Variants in TTLL11 observed in about 807,000 individuals in gnomAD.
TTLL11 encodes tubulin tyrosine ligase like 11.
TTLL11 carries 42 observed loss-of-function variants against 51.7 expected under a neutral mutation model. The ratio of observed to expected loss-of-function variants is 0.81; its 90% CI spans 0.64 to 1.05. TTLL11 has a LOEUF of 1.05. Among genes scored for constraint, TTLL11 ranks in the 50% least tolerant of loss-of-function variants. The probability of loss-of-function intolerance (pLI) is 0.00; values close to 1 mark genes in which losing one functional copy is unlikely to be tolerated. For missense variants in TTLL11, 799 were observed against 940.4 expected, an observed-to-expected ratio of 0.85 and a Z score of 1.97; for synonymous variants, 381 against 383.5, an observed-to-expected ratio of 0.99 and a Z score of 0.08.
chr9:121,949,390 C>T (rs191006417), intron 6 of TTLL11, among the ~76,000 whole-genome samples: 11 of 152,300 alleles, frequency 7.2e-5, no homozygotes, highest in East Asian at 3.9e-4. Context: ...AAGACAAACT[C>T]GTTGTCTTAG....
chr9:122,054,206 C>T (rs1383203463), intron 1 of TTLL11, among the ~76,000 whole-genome samples: 2 of 151,740 alleles, frequency 1.3e-5, no homozygotes, highest in Non-Finnish European at 2.9e-5. Context: ...GTGGTGAGGC[C>T]CATCGTCCGC....
intron 3 of TTLL11, among the ~76,000 whole-genome samples, chr9:122,011,647 G>A (rs1843794231): frequency 6.6e-6 from 1 of 152,118 alleles, no homozygotes; most frequent in African/African-American, 2.4e-5. Flanking sequence ...GGTACATATA[G>A]GAACATCATG....
intron 3 of TTLL11, among the ~76,000 whole-genome samples, chr9:122,027,543 T>C (rs982231469): frequency 8.5e-5 from 13 of 152,232 alleles, no homozygotes; most frequent in African/African-American, 2.9e-4. Context: ...TCAATGTTAA[T>C]TTCCTAGTTT....
At chr9:121,875,703 T>C (rs1025914673) in intron 6 of TTLL11, among the ~76,000 whole-genome samples, 2 of 152,232 alleles carry the variant, frequency 1.3e-5, no homozygotes, top group Non-Finnish European at 2.9e-5. Flanking sequence ...TAAGATCCTG[T>C]TTTTACTTAA....
At chr9:121,975,977 A>C (rs1842699653) in intron 4 of TTLL11, among the ~76,000 whole-genome samples, 1 of 152,196 alleles carries the variant, frequency 6.6e-6, no homozygotes, top group South Asian at 2.1e-4. Context: ...ACAGAAGCAG[A>C]AACTGAAACT....
intron 3 of TTLL11, among the ~76,000 whole-genome samples, chr9:122,029,130 C>T (rs1244095863): frequency 2.0e-5 from 3 of 152,208 alleles, no homozygotes; most frequent in Non-Finnish European, 4.4e-5. Flanking sequence ...ACCTACTGCA[C>T]TGCCAGTTGT....
At chr9:121,834,407 G>C (rs759107029) in intron 8 of TTLL11, among the ~76,000 whole-genome samples, 5 of 151,914 alleles carry the variant, frequency 3.3e-5, no homozygotes, top group Non-Finnish European at 5.9e-5. Flanking sequence ...CTTACTGCCT[G>C]TCAAGGCATT....
At chr9:122,033,662 GA>G (rs1416877372) in intron 2 of TTLL11, among the ~76,000 whole-genome samples, 1 of 152,152 alleles carries the variant, frequency 6.6e-6, no homozygotes, top group Admixed American at 6.5e-5. Context: ...AAACATCTGG[GA>G]AGGAAAGTTT....
intron 6 of TTLL11, among the ~76,000 whole-genome samples, chr9:121,907,611 A>G (rs959075883): frequency 2.6e-5 from 4 of 152,216 alleles, no homozygotes; most frequent in African/African-American, 9.7e-5. Flanking sequence ...AAATCATTTA[A>G]GATTCTTTCA....
At chr9:122,031,951 T>C (rs189217620) in intron 2 of TTLL11, 95 bp from the exon 3 acceptor site, 1 of 1,476,244 alleles carries the variant, frequency 6.8e-7, no homozygotes, top group Admixed American at 2.1e-5. Flanking sequence ...CCACCCGACA[T>C]ATTCTCTTTT....
chr9:121,950,642 G>A (rs1365629078), intron 6 of TTLL11, among the ~76,000 whole-genome samples: 5 of 152,136 alleles, frequency 3.3e-5, no homozygotes, highest in East Asian at 1.9e-4. Flanking sequence ...GAAATGAACC[G>A]TATCGAAAAA....
chr9:121,887,465 A>C (rs1299851652), intron 6 of TTLL11, among the ~76,000 whole-genome samples: 1 of 152,126 alleles, frequency 6.6e-6, no homozygotes, highest in East Asian at 1.9e-4. Flanking sequence ...TCTCTTCCCC[A>C]CGTTAATCGA....
chr9:122,085,186 G>A (rs1290528333), intron 1 of TTLL11, among the ~76,000 whole-genome samples: 1 of 152,120 alleles, frequency 6.6e-6, no homozygotes, highest in Non-Finnish European at 1.5e-5. Context: ...CTTGAACCCA[G>A]GAGGCAGAGG....
chr9:121,987,777 C>T (rs186132591), intron 4 of TTLL11, among the ~76,000 whole-genome samples: 1 of 152,116 alleles, frequency 6.6e-6, no homozygotes, highest in Admixed American at 6.6e-5. Context: ...CTCCCTCCCC[C>T]TCCCCTGCCT....
intron 6 of TTLL11, among the ~76,000 whole-genome samples, chr9:121,922,969 C>T (rs1162467213): frequency 6.6e-6 from 1 of 152,200 alleles, no homozygotes; most frequent in Non-Finnish European, 1.5e-5. Context: ...CTTACACATG[C>T]TAAGTTAGCA....
intron 8 of TTLL11, among the ~76,000 whole-genome samples, chr9:121,829,568 T>G (rs980953380): frequency 6.6e-6 from 1 of 152,152 alleles, no homozygotes; most frequent in Non-Finnish European, 1.5e-5. Context: ...TTGAACACAG[T>G]GATCACAATC....
At chr9:122,076,426 A>G (rs1363004937) in intron 1 of TTLL11, among the ~76,000 whole-genome samples, 1 of 152,184 alleles carries the variant, frequency 6.6e-6, no homozygotes, top group African/African-American at 2.4e-5. Context: ...TCAGTGGGTG[A>G]AACTGGAAGC....
chr9:121,894,991 C>T (rs1012190921), intron 6 of TTLL11, among the ~76,000 whole-genome samples: 1 of 113,384 alleles, frequency 8.8e-6, no homozygotes, highest in African/African-American at 3.1e-5. Flanking sequence ...GAAAAGTCAG[C>T]GGGGGTCAGG....
intron 6 of TTLL11, among the ~76,000 whole-genome samples, chr9:121,949,605 T>G (rs954611777): frequency 2.5e-4 from 38 of 152,136 alleles, no homozygotes; most frequent in African/African-American, 8.9e-4. Flanking sequence ...GTGCAAAAGT[T>G]TGATTCAAAT....
Sources: gnomAD v4.1 joint callset for allele counts (sites outside exome capture counted in the v4.1 genomes callset) on GRCh38, gnomAD v4.1.1 for gene constraint, MANE v1.5 for transcripts, NCBI Gene and HGNC (gene_info 2026-07-23, HGNC 2026-07-21) for gene names.